The following PHACTR1 variants were observed in gnomAD, a reference collection of about 807,000 sequenced individuals.
PHACTR1 encodes RPEL repeat containing 1.
A neutral mutation model predicts 69.2 loss-of-function variants in PHACTR1; 16 were observed. The ratio of observed to expected loss-of-function variants is 0.23; its 90% CI spans 0.16 to 0.35. PHACTR1 has a LOEUF of 0.35. Among genes scored for constraint, PHACTR1 ranks in the 10% least tolerant of loss-of-function variants. The pLI is 1.00. For missense variants in PHACTR1, 510 were observed against 734.7 expected, an observed-to-expected ratio of 0.69 and a Z score of 3.54; for synonymous variants, 312 against 284.5, an observed-to-expected ratio of 1.10 and a Z score of -0.97.
chr6:13,284,201 GAGGGTTA>G (rs918349109), intron 13 of PHACTR1, among the ~76,000 whole-genome samples: 146 of 152,124 alleles, frequency 9.6e-4, no homozygotes, highest in African/African-American at 2.8e-3. Flanking sequence ...TGAGGAGCTG[GAGGGTTA>G]AGGGCCTTTT....
chr6:13,013,869 C>T (rs1386531775), intron 4 of PHACTR1, among the ~76,000 whole-genome samples: 1 of 148,550 alleles, frequency 6.7e-6, no homozygotes, highest in Admixed American at 6.7e-5. Context: ...CGCCCGGCCC[C>T]GGGCGCCCGG....
chr6:13,263,333 T>C (rs1776180283), intron 10 of PHACTR1, among the ~76,000 whole-genome samples: 1 of 119,190 alleles, frequency 8.4e-6, no homozygotes, highest in South Asian at 2.6e-4. Context: ...GAGACAGCAT[T>C]GTTCAGACTG....
intron 10 of PHACTR1, among the ~76,000 whole-genome samples, chr6:13,257,305 T>G (rs541235600): frequency 1.3e-5 from 2 of 152,150 alleles, no homozygotes; most frequent in African/African-American, 4.8e-5. Flanking sequence ...ACCACCCCCA[T>G]GATCCAGTCA....
intron 4 of PHACTR1, among the ~76,000 whole-genome samples, chr6:12,778,800 A>G (rs1175321083): frequency 8.5e-5 from 13 of 152,212 alleles, no homozygotes; most frequent in Admixed American, 8.5e-4. Context: ...CAATGCCATA[A>G]AACACTTAAA....
At chr6:13,242,072 G>T (rs1562055057) in intron 10 of PHACTR1, among the ~76,000 whole-genome samples, 1 of 149,574 alleles carries the variant, frequency 6.7e-6, no homozygotes, top group Non-Finnish European at 1.5e-5. Flanking sequence ...AGTAATGCTA[G>T]TTGCCCTAAC....
At chr6:13,013,438 T>C (rs1196711560) in intron 4 of PHACTR1, among the ~76,000 whole-genome samples, 1 of 152,226 alleles carries the variant, frequency 6.6e-6, no homozygotes, top group Non-Finnish European at 1.5e-5. Context: ...GCGCTTTCCG[T>C]GTGAAACATT....
At chr6:13,198,992 C>G (rs1007074990) in intron 7 of PHACTR1, among the ~76,000 whole-genome samples, 3 of 152,164 alleles carry the variant, frequency 2.0e-5, no homozygotes, top group Admixed American at 6.5e-5. Context: ...AAAGCAGATT[C>G]CTGGGCACCA....
intron 4 of PHACTR1, chr6:12,957,808 C>G: frequency 2.0e-6 from 2 of 985,578 alleles, no homozygotes; most frequent in Non-Finnish European, 2.4e-6. Context: ...CCATTCCATC[C>G]CACGTGGGAG....
chr6:13,132,728 CTA>C lies in PHACTR1; in HGVS notation c.416-27475_416-27474del, dbSNP rs1491586615. 1.6e-3 allele frequency among the ~76,000 whole-genome samples: 242 copies of C among 148,398 alleles called. 2 individuals carry two copies. Among genetic ancestry groups the C allele is most frequent in the Admixed American group, 1.3e-3 (19 of 15,062 alleles). On this transcript the variant is annotated intron_variant, in intron 5 of 14. Coordinates refer to ENST00000332995, the MANE Select transcript of PHACTR1 (RefSeq NM_030948.6). Reference sequence around the variant, plus strand: ...ACCTTAATTTAAAAATACCGTATTGCTAAAAAAAAAAAAAAAGTGAATGATCA... The same window carrying C: ...ACCTTAATTTAAAAATACCGTATTGCAAAAAAAAAAAAAAGTGAATGATCA...
At chr6:13,073,758 C>A (rs1031147900) in intron 5 of PHACTR1, among the ~76,000 whole-genome samples, 2 of 152,042 alleles carry the variant, frequency 1.3e-5, no homozygotes, top group Admixed American at 1.3e-4. Flanking sequence ...ATAGATGGGA[C>A]CAGATGACAC....
intron 6 of PHACTR1, among the ~76,000 whole-genome samples, chr6:13,163,706 G>A (rs887200798): frequency 8.5e-4 from 130 of 152,178 alleles, no homozygotes; most frequent in African/African-American, 2.9e-3. Flanking sequence ...CCTGGAATCA[G>A]TTTCAATTCT....
At position 13,100,877 on chromosome 6, in the gene PHACTR1, T is replaced by G. The variant is rs547002167; in HGVS notation, c.415+47348T>G. Among the ~76,000 whole-genome samples, 4 of 152,214 alleles carry G rather than the reference T, an allele frequency of 2.6e-5. No homozygotes were observed. The South Asian group carries it at 8.3e-4, about 31-fold the overall frequency. ...GAAGAGGTGACCAGGTGTTCCAGATTGCAATTTCAATGACTAGCTTGTTTA... is the reference window on the plus strand; with the variant it reads ...GAAGAGGTGACCAGGTGTTCCAGATGGCAATTTCAATGACTAGCTTGTTTA... On this transcript the variant is annotated intron_variant, in intron 5 of 14. Coordinates refer to ENST00000332995, the MANE Select transcript of PHACTR1 (RefSeq NM_030948.6).
intron 4 of PHACTR1, among the ~76,000 whole-genome samples, chr6:12,927,019 C>A (rs973254328): frequency 1.3e-5 from 2 of 152,224 alleles, no homozygotes; most frequent in African/African-American, 4.8e-5. Flanking sequence ...GTCACCTTCT[C>A]TGTAAAGATT....
intron 5 of PHACTR1, among the ~76,000 whole-genome samples, chr6:13,083,499 G>C (rs1167150369): frequency 6.6e-6 from 1 of 150,794 alleles, no homozygotes; most frequent in Non-Finnish European, 1.5e-5. Context: ...TTGGTAGCTT[G>C]ATGGGGATGG....
At chr6:12,901,241 C>T (rs896422258) in intron 4 of PHACTR1, among the ~76,000 whole-genome samples, 2 of 152,278 alleles carry the variant, frequency 1.3e-5, no homozygotes, top group Admixed American at 1.3e-4. Context: ...ATCTACACAC[C>T]GGTACCAAAA....
chr6:13,078,810 T>C (rs1247617973), intron 5 of PHACTR1, among the ~76,000 whole-genome samples: 1 of 152,164 alleles, frequency 6.6e-6, no homozygotes, highest in East Asian at 1.9e-4. Context: ...GCCCAGTGGC[T>C]AGAGAACTGC....
At chr6:12,981,646 G>A (rs1051303094) in intron 4 of PHACTR1, among the ~76,000 whole-genome samples, 6 of 152,080 alleles carry the variant, frequency 3.9e-5, no homozygotes, top group East Asian at 1.9e-4. Context: ...TCATGGGATC[G>A]CTGTCTTGAC....
chr6:12,989,460 G>C (rs189441710), intron 4 of PHACTR1, among the ~76,000 whole-genome samples: 50 of 152,304 alleles, frequency 3.3e-4, no homozygotes, highest in African/African-American at 1.1e-3. Context: ...TGGGAGGCCA[G>C]CAAGATAGAT....
At chr6:13,191,242 G>A (rs9369916) in intron 7 of PHACTR1, among the ~76,000 whole-genome samples, 45,794 of 151,136 alleles carry the variant, frequency 0.3, 7,279 homozygotes, top group East Asian at 0.55. Context: ...GCCTTTAAAT[G>A]GAAAAAAAAT....
Sources: gnomAD v4.1 joint callset for allele counts (sites outside exome capture counted in the v4.1 genomes callset) on GRCh38, gnomAD v4.1.1 for gene constraint, MANE v1.5 for transcripts, NCBI Gene and HGNC (gene_info 2026-07-23, HGNC 2026-07-21) for gene names.